The following ANTXR1 variants were observed in gnomAD, a reference collection of about 807,000 sequenced individuals.
ANTXR1 encodes the protein anthrax toxin receptor 1.
ANTXR1 carries 19 observed loss-of-function variants against 78.1 expected under a neutral mutation model. That is an observed-to-expected ratio of 0.24 (90% confidence interval 0.17 to 0.36). The LOEUF (loss-of-function observed/expected upper bound fraction) is 0.36, where lower values mean the gene tolerates loss of function less well. Ranked by LOEUF, ANTXR1 falls within the 10% of genes least tolerant of loss-of-function variation. The pLI is 1.00. For synonymous variants in ANTXR1, 273 were observed against 260.5 expected (o/e 1.05, Z -0.46); for missense variants, 518 against 718.6 (o/e 0.72, Z 3.19).
intron 14 of ANTXR1, among the ~76,000 whole-genome samples, chr2:69,170,790 C>T (rs960024489): frequency 2.6e-5 from 4 of 152,130 alleles, no homozygotes; most frequent in African/African-American, 7.2e-5. Flanking sequence ...AATGAAAATA[C>T]GCTGGAGAGG....
At chr2:69,015,540 A>T (rs7588665) in intron 1 of ANTXR1, among the ~76,000 whole-genome samples, 13,990 of 152,006 alleles carry the variant, frequency 0.092, 2,159 homozygotes, top group African/African-American at 0.32. Context: ...AGTGATTGAT[A>T]ACATGGAGAA....
chr2:69,181,323 C>G (rs563908695), intron 14 of ANTXR1, among the ~76,000 whole-genome samples: 37 of 152,236 alleles, frequency 2.4e-4, no homozygotes, highest in Non-Finnish European at 5.1e-4. Context: ...AAGAGAGAGG[C>G]AGTGGGGAAG....
rs571016575 is a variant in ANTXR1, at chr2:69,078,039, C to A, written c.642+551C>A. ...GACCCACTGCTTTCGACCTATAATC[C>A]CCAAATACATGGGCTCCAGTGTTGT... On this transcript the variant is annotated intron_variant, in intron 8 of 17. Coordinates refer to ENST00000303714, the MANE Select transcript of ANTXR1 (RefSeq NM_032208.3). Among the ~76,000 whole-genome samples the A allele has an allele frequency of 8.3e-4, 126 of 152,260 alleles. 1 individual carries two copies. Among genetic ancestry groups the A allele is most frequent in the Non-Finnish European group, 1.2e-3 (85 of 68,026 alleles).
intron 9 of ANTXR1, among the ~76,000 whole-genome samples, chr2:69,100,909 A>G (rs1430597085): frequency 1.3e-5 from 2 of 152,198 alleles, no homozygotes; most frequent in African/African-American, 2.4e-5. Context: ...GCAATTGTGC[A>G]TTTGCATCAA....
chr2:69,201,609 A>G (rs1017770551), intron 17 of ANTXR1, among the ~76,000 whole-genome samples: 1 of 152,228 alleles, frequency 6.6e-6, no homozygotes, highest in Admixed American at 6.5e-5. Context: ...CCTGAAGTGC[A>G]GAGTGGTGGG....
intron 12 of ANTXR1, among the ~76,000 whole-genome samples, chr2:69,150,651 T>C (rs1673367667): frequency 8.2e-6 from 1 of 122,406 alleles, no homozygotes; most frequent in Non-Finnish European, 1.6e-5. Context: ...TCTCTCTCAC[T>C]CTTGACATAC....
At chr2:69,202,914 C>A (rs1379195622) in intron 17 of ANTXR1, among the ~76,000 whole-genome samples, 2 of 152,234 alleles carry the variant, frequency 1.3e-5, no homozygotes, top group Non-Finnish European at 2.9e-5. Context: ...TCCCTTCCTT[C>A]TCCCTGAAAA....
intron 10 of ANTXR1, among the ~76,000 whole-genome samples, chr2:69,110,082 G>T (rs961634334): frequency 2.0e-5 from 3 of 152,146 alleles, no homozygotes; most frequent in African/African-American, 7.2e-5. Context: ...AATGCAAATT[G>T]AAATAATCAA....
rs201119670 is a variant in ANTXR1 at position 69,175,435 on chromosome 2, CCCCCCG to C, written c.1089+5155_1089+5160del. Among the ~76,000 whole-genome samples the C allele has an allele frequency of 7.0e-3, 1,050 of 150,094 alleles. 18 individuals are homozygous for C. The highest frequency in any genetic ancestry group is 0.025 in the African/African-American group (1,003 of 40,664). The stretch of plus-strand genomic sequence containing the variant: ...CAGCCTGGGTAACATAGGGAGACCG[CCCCCCG>C]CCCCCGCCGCCGATATCTACAAAAA... On this transcript the variant is annotated intron_variant, in intron 14 of 17. Coordinates refer to ENST00000303714, the MANE Select transcript of ANTXR1 (RefSeq NM_032208.3).
chr2:69,249,258 G>A lies in ANTXR1; in HGVS notation c.*3773G>A, dbSNP rs1676087944. ...TCATAATACCATGCTATAGGAGACT[G>A]GGCAAAACCTGTACAATGACAACCC... On this transcript the variant is annotated 3_prime_UTR_variant, in exon 18 of 18. Transcript: ENST00000303714. The A allele has an allele frequency of 1.3e-5, 2 of 151,986 alleles. No individual in the cohort carries two copies. The highest frequency in any genetic ancestry group is 4.1e-4 in the South Asian group (2 of 4,820). 9.4% of individuals were successfully genotyped at this position (151,986 alleles called of 1,614,324 possible).
intron 3 of ANTXR1, among the ~76,000 whole-genome samples, chr2:69,048,722 G>A (rs948106272): frequency 6.6e-6 from 1 of 152,100 alleles, no homozygotes; most frequent in Non-Finnish European, 1.5e-5. Flanking sequence ...GGATCACATT[G>A]TTTTAATTAG....
At chr2:69,159,379 G>C (rs1673617413) in intron 13 of ANTXR1, among the ~76,000 whole-genome samples, 1 of 152,116 alleles carries the variant, frequency 6.6e-6, no homozygotes, top group African/African-American at 2.4e-5. Flanking sequence ...TCTGAGACTA[G>C]CCTAGGCAAC....
intron 13 of ANTXR1, among the ~76,000 whole-genome samples, chr2:69,158,202 C>T (rs566634703): frequency 2.1e-4 from 32 of 152,304 alleles, no homozygotes; most frequent in African/African-American, 7.7e-4. Context: ...TCATTAGCAG[C>T]CAAGTGGATG....
At chr2:69,071,239 A>T (rs1043899360) in intron 4 of ANTXR1, among the ~76,000 whole-genome samples, 3 of 152,156 alleles carry the variant, frequency 2.0e-5, no homozygotes, top group African/African-American at 7.2e-5. Flanking sequence ...TTGTTAGCCA[A>T]TTTTGTCATT....
chr2:69,160,937 G>A (rs1227883551), intron 13 of ANTXR1, among the ~76,000 whole-genome samples: 1 of 152,164 alleles, frequency 6.6e-6, no homozygotes, highest in East Asian at 1.9e-4. Flanking sequence ...GCAGGTTCCT[G>A]GATCCTAAGA....
In ANTXR1 at chr2:69,170,302, AGCAGGATGGCAGTGGGTGG is replaced by A; in HGVS notation, c.1089+19_1089+37del. Reference sequence around the variant, plus strand: ...CGAGGAGAGTGAGGTAAGTGACCACAGCAGGATGGCAGTGGGTGGGCAGGGTGGCAGAGTAGGGTGGAGA... The same window carrying A: ...CGAGGAGAGTGAGGTAAGTGACCACAGCAGGGTGGCAGAGTAGGGTGGAGA... On this transcript the variant is annotated intron_variant, in intron 14 of 17. Coordinates refer to ENST00000303714, the MANE Select transcript of ANTXR1 (RefSeq NM_032208.3). 6.2e-7 allele frequency: 1 copy of A among 1,613,982 alleles called. No individual in the cohort carries two copies. Among genetic ancestry groups the A allele is most frequent in the Non-Finnish European group, 8.5e-7 (1 of 1,180,014 alleles).
In ANTXR1 at chr2:69,039,984, A is replaced by G. The variant is rs995950593; in HGVS notation, c.153-60A>G. On this transcript the variant is annotated intron_variant, in intron 1 of 17. Coordinates refer to ENST00000303714, the MANE Select transcript of ANTXR1 (RefSeq NM_032208.3). The stretch of plus-strand genomic sequence containing the variant: ...AAAATAACAGAATGTGAAGATAAAT[A>G]ATACAAGGTAAAGACAAGTAAACAC... 3.6e-6 allele frequency: 5 copies of G among 1,372,370 alleles called. No individual in the cohort carries two copies. The Admixed American group carries it at 6.8e-5, about 19-fold the overall frequency. The allele number at this position is 1,372,370 out of a possible 1,614,324, so 85.0% of individuals were successfully genotyped here. A position where few individuals can be genotyped will look rare whatever the true frequency, so the allele number is the denominator to read the frequency against.
intron 17 of ANTXR1, among the ~76,000 whole-genome samples, chr2:69,216,839 T>C (rs79391671): frequency 0.047 from 7,235 of 152,330 alleles, 724 homozygotes; most frequent in East Asian, 0.37. Context: ...CAGTTCTTCC[T>C]ACATTCTTGA....
chr2:69,115,400 A>C (rs1036270879), intron 10 of ANTXR1, among the ~76,000 whole-genome samples: 3 of 152,212 alleles, frequency 2.0e-5, no homozygotes, highest in African/African-American at 7.2e-5. Context: ...ACAGTGCCCC[A>C]TCTTAGTAAT....
Sources: allele counts gnomAD v4.1 joint callset (sites outside exome capture counted in the v4.1 genomes callset), GRCh38; gene constraint gnomAD v4.1.1; transcripts MANE v1.5; gene names NCBI Gene and HGNC (gene_info 2026-07-23, HGNC 2026-07-21).